The following KSR2 variants were observed in gnomAD, a reference collection of about 807,000 sequenced individuals.
KSR2 encodes the protein kinase suppressor of ras 2.
In KSR2, 25 loss-of-function variants were observed where a neutral mutation model predicts 107.8. The ratio of observed to expected loss-of-function variants is 0.23; its 90% CI spans 0.17 to 0.32. KSR2 has a LOEUF of 0.32. Among genes scored for constraint, KSR2 ranks in the 10% least tolerant of loss-of-function variants. The pLI is 1.00. For missense variants in KSR2, 887 were observed against 1,268.9 expected, an observed-to-expected ratio of 0.70 and a Z score of 4.57; for synonymous variants, 480 against 507.0, an observed-to-expected ratio of 0.95 and a Z score of 0.71.
intron 1 of KSR2, among the ~76,000 whole-genome samples, chr12:117,865,067 AT>A (rs1893427530): frequency 1.3e-5 from 2 of 152,090 alleles, no homozygotes; most frequent in African/African-American, 4.8e-5. Context: ...ATCTCAAAAA[AT>A]AATAAAAATA....
At chr12:117,673,409 G>A (rs930610895) in intron 4 of KSR2, among the ~76,000 whole-genome samples, 7 of 151,906 alleles carry the variant, frequency 4.6e-5, no homozygotes, top group Non-Finnish European at 7.4e-5. Context: ...ACAGAAGAAC[G>A]GATAAAGGAA....
At chr12:117,791,748 G>A (rs1530540) in intron 3 of KSR2, among the ~76,000 whole-genome samples, 83,667 of 151,960 alleles carry the variant, frequency 0.55, 24,016 homozygotes, top group East Asian at 0.77. Context: ...GGAGGCTGAG[G>A]AACGGAGGCA....
intron 5 of KSR2, among the ~76,000 whole-genome samples, chr12:117,602,492 A>G (rs1324533835): frequency 6.6e-6 from 1 of 152,240 alleles, no homozygotes; most frequent in Non-Finnish European, 1.5e-5. Flanking sequence ...ATCACATAAT[A>G]TGAGGCATTT....
chr12:117,586,210 T>C (rs10850846), intron 5 of KSR2, among the ~76,000 whole-genome samples: 2 of 151,262 alleles, frequency 1.3e-5, no homozygotes, highest in Non-Finnish European at 2.9e-5. Context: ...GAAAAATACG[T>C]GAGGATATAC....
At chr12:117,552,406 C>T (rs114166497) in intron 9 of KSR2, among the ~76,000 whole-genome samples, 4,593 of 152,274 alleles carry the variant, frequency 0.03, 216 homozygotes, top group African/African-American at 0.11. Context: ...TCTGAGCAGG[C>T]TTGTGACTGC....
At chr12:117,768,215 A>G (rs529534819) in intron 3 of KSR2, among the ~76,000 whole-genome samples, 321 of 152,342 alleles carry the variant, frequency 2.1e-3, no homozygotes, top group African/African-American at 7.4e-3. Context: ...GGCTCTCCCC[A>G]TGGACAAATG....
At chr12:117,912,005 GATCTCCT>G (rs1159047685) in intron 1 of KSR2, among the ~76,000 whole-genome samples, 1 of 152,144 alleles carries the variant, frequency 6.6e-6, no homozygotes, top group Non-Finnish European at 1.5e-5. Context: ...TAAACATGTC[GATCTCCT>G]AAGTGAAAAC....
chr12:117,870,468 A>G (rs1191127953), intron 1 of KSR2, among the ~76,000 whole-genome samples: 9 of 152,010 alleles, frequency 5.9e-5, no homozygotes. Flanking sequence ...GGTGTGGTGG[A>G]ACATGCCTGT....
intron 1 of KSR2, among the ~76,000 whole-genome samples, chr12:117,924,454 C>T (rs545495280): frequency 2.9e-4 from 43 of 150,390 alleles, no homozygotes; most frequent in Non-Finnish European, 5.2e-4. Context: ...CGCCTGTAAT[C>T]CCAGCTACTC....
chr12:117,783,152 A>G (rs1889943458), intron 3 of KSR2, among the ~76,000 whole-genome samples: 1 of 152,192 alleles, frequency 6.6e-6, no homozygotes, highest in Non-Finnish European at 1.5e-5. Flanking sequence ...TGTGCCCAAC[A>G]CTATTCTAAA....
chr12:117,706,366 C>T (rs539962216), intron 4 of KSR2, among the ~76,000 whole-genome samples: 1 of 152,034 alleles, frequency 6.6e-6, no homozygotes, highest in African/African-American at 2.4e-5. Flanking sequence ...TTGTTAATCA[C>T]CTATAATTAC....
intron 4 of KSR2, among the ~76,000 whole-genome samples, chr12:117,697,727 G>A (rs1003083819): frequency 2.1e-5 from 3 of 141,902 alleles, no homozygotes; most frequent in Non-Finnish European, 3.0e-5. Context: ...GCAACAGAGC[G>A]AGACTCCATC....
At chr12:117,880,608 G>T (rs1302635216) in intron 1 of KSR2, among the ~76,000 whole-genome samples, 1 of 151,804 alleles carries the variant, frequency 6.6e-6, no homozygotes, top group Non-Finnish European at 1.5e-5. Flanking sequence ...TGCTGGCCAT[G>T]AAATTTACCC....
intron 16 of KSR2, among the ~76,000 whole-genome samples, chr12:117,481,682 G>A (rs1018223894): frequency 6.6e-5 from 10 of 152,218 alleles, no homozygotes; most frequent in Non-Finnish European, 1.2e-4. Context: ...GACTGGCTGA[G>A]TGAGTAATGA....
intron 2 of KSR2, among the ~76,000 whole-genome samples, chr12:117,859,760 T>C (rs1356926076): frequency 6.6e-6 from 1 of 152,168 alleles, no homozygotes. Flanking sequence ...CCCAGCTGAG[T>C]TGAACATTTT....
rs142827303 is a variant in KSR2 at position 117,523,715 on chromosome 12, G to A, written c.2219+1137C>T. Among the ~76,000 whole-genome samples the A allele has an allele frequency of 2.2e-3, 342 of 152,298 alleles. 3 individuals are homozygous for A. Among genetic ancestry groups the A allele is most frequent in the African/African-American group, 7.9e-3 (329 of 41,562 alleles). ...CTTATCAGAATCTTGGCTCATGCTT[G>A]TCATCCCAGCACTTTGGGAGGCCAA... On this transcript the variant is annotated intron_variant, in intron 14 of 19. Transcript: ENST00000339824.
chr12:117,549,470 A>G (rs866010118), intron 9 of KSR2, among the ~76,000 whole-genome samples: 27 of 152,168 alleles, frequency 1.8e-4, no homozygotes, highest in African/African-American at 6.5e-4. Context: ...GTGCTTCTAC[A>G]TGGACATTTG....
chr12:117,472,450 G>A (rs764513418), intron 17 of KSR2, among the ~76,000 whole-genome samples: 25 of 152,138 alleles, frequency 1.6e-4, no homozygotes, highest in Non-Finnish European at 2.6e-4. Context: ...AGATCTCAGC[G>A]CTTTGAGCAC....
chr12:117,467,831 T>TAAAAAAAAAAAA (rs36058871), intron 19 of KSR2: 1 of 352,792 alleles, frequency 2.8e-6, no homozygotes, highest in Non-Finnish European at 5.6e-6. Context: ...ATAGGCTGAA[T>TAAAAAAAAAAAA]AAAAAAAAAA....
Sources: gnomAD v4.1 joint callset for allele counts (sites outside exome capture counted in the v4.1 genomes callset) on GRCh38, gnomAD v4.1.1 for gene constraint, MANE v1.5 for transcripts, NCBI Gene and HGNC (gene_info 2026-07-23, HGNC 2026-07-21) for gene names.